LINGO2: variants seen among roughly 807,000 people sequenced by gnomAD.
LINGO2 encodes leucine rich repeat and Ig domain containing 2.
In LINGO2, 14 loss-of-function variants were observed where a neutral mutation model predicts 30.6. The ratio of observed to expected loss-of-function variants is 0.46; its 90% CI spans 0.30 to 0.72. The LOEUF is 0.72. LINGO2 is among the 30% of genes least tolerant of loss of function. LINGO2 has a pLI of 0.07. For missense variants in LINGO2, 729 were observed against 751.7 expected (o/e 0.97, Z 0.35); for synonymous variants, 317 against 288.5 (o/e 1.10, Z -1.00).
intron 1 of LINGO2, among the ~76,000 whole-genome samples, chr9:28,565,899 T>A (rs1318897942): frequency 6.6e-6 from 1 of 152,118 alleles, no homozygotes; most frequent in African/African-American, 2.4e-5. Context: ...TGAAAGGCTA[T>A]ATAGCTTTGT....
In LINGO2 at chr9:28,148,988, C is replaced by A; in HGVS notation, c.-86-136583G>T. 1 of 1,534,286 alleles carries A rather than the reference C, an allele frequency of 6.5e-7. No homozygotes were observed. The highest frequency in any genetic ancestry group is 2.3e-4 in the Middle Eastern group (1 of 4,358). ...ACTGTCGGGGCCACCGCTGCAGCTG[C>A]AACCGACCCCTCCCCTGCAACTGAG... On this transcript the variant is annotated intron_variant, in intron 4 of 5. Coordinates refer to ENST00000379992, the Ensembl canonical transcript of LINGO2. This position sits in a 1 kb window ranked among gnomAD's most constrained non-coding sequence, Gnocchi z 5.1.
chr9:28,381,101 C>T (rs1821336435), intron 2 of LINGO2, among the ~76,000 whole-genome samples: 1 of 151,918 alleles, frequency 6.6e-6, no homozygotes, highest in Non-Finnish European at 1.5e-5. Flanking sequence ...GAAAAGGATC[C>T]TTGACAATGA....
intron 4 of LINGO2, among the ~76,000 whole-genome samples, chr9:28,109,048 C>T (rs901099667): frequency 2.0e-5 from 3 of 152,116 alleles, no homozygotes; most frequent in Non-Finnish European, 2.9e-5. Context: ...TTATCCACCA[C>T]GATCAAGTCA....
chr9:28,796,371 A>G, the LINGO2 span, among the ~76,000 whole-genome samples: 135 of 152,146 alleles, frequency 8.9e-4, no homozygotes, highest in Admixed American at 8.8e-3. Context: ...AGATGGGTGT[A>G]GCCTCAAAAG....
At chr9:28,985,272 G>T in the LINGO2 span, among the ~76,000 whole-genome samples, 1 of 152,040 alleles carries the variant, frequency 6.6e-6, no homozygotes, top group African/African-American at 2.4e-5. Flanking sequence ...TTCATCTGTT[G>T]ATGAACACTT....
intron 1 of LINGO2, among the ~76,000 whole-genome samples, chr9:28,631,979 A>G (rs778335480): frequency 6.6e-6 from 1 of 152,172 alleles, no homozygotes; most frequent in Non-Finnish European, 1.5e-5. Context: ...CCTAAAGATC[A>G]TAGGTTTGGT....
the LINGO2 span, among the ~76,000 whole-genome samples, chr9:28,763,107 A>G: frequency 6.6e-6 from 1 of 152,134 alleles, no homozygotes; most frequent in Admixed American, 6.5e-5. Flanking sequence ...CGGGTATTTC[A>G]ATGATATCCC....
intron 5 of LINGO2, among the ~76,000 whole-genome samples, chr9:28,001,496 C>G (rs1821951347): frequency 6.6e-6 from 1 of 151,974 alleles, no homozygotes; most frequent in Admixed American, 6.6e-5. Flanking sequence ...AGAAAGTGTG[C>G]AAAATATGCT....
intron 1 of LINGO2, among the ~76,000 whole-genome samples, 159 bp from the exon 4 acceptor site, chr9:28,476,184 T>C (rs1382371535): frequency 6.6e-6 from 1 of 152,220 alleles, no homozygotes; most frequent in African/African-American, 2.4e-5. Flanking sequence ...TTCACATGTG[T>C]GTGGTTTTCC....
At chr9:27,972,967 G>C (rs1188636123) in intron 5 of LINGO2, among the ~76,000 whole-genome samples, 1 of 152,042 alleles carries the variant, frequency 6.6e-6, no homozygotes, top group African/African-American at 2.4e-5. Flanking sequence ...CTGAAAAAAA[G>C]CAAATTTTCT....
the LINGO2 span, among the ~76,000 whole-genome samples, chr9:29,072,602 G>T: frequency 1.6e-5 from 2 of 121,730 alleles, 1 homozygote; most frequent in Middle Eastern, 8.7e-3. Context: ...ATATATATAT[G>T]TCTCTCTTTG....
the LINGO2 span, among the ~76,000 whole-genome samples, chr9:29,115,919 T>C: frequency 1.3e-5 from 2 of 152,048 alleles, no homozygotes; most frequent in South Asian, 2.1e-4. Context: ...TTCTGGCCAA[T>C]TGACTTTTAA....
chr9:29,180,428 C>A, the LINGO2 span, among the ~76,000 whole-genome samples: 4 of 152,164 alleles, frequency 2.6e-5, no homozygotes, highest in Non-Finnish European at 5.9e-5. Context: ...TCCTTACAGA[C>A]ATTATCCTGG....
chr9:28,932,132 T>TAAAATAAAATAAAATAAAATAA, the LINGO2 span, among the ~76,000 whole-genome samples: 2 of 99,814 alleles, frequency 2.0e-5, 1 homozygote, highest in Non-Finnish European at 4.0e-5. Flanking sequence ...TAAAATAAAA[T>TAAAATAAAATAAAATAAAATAA]AAGATAAAAT....
intron 2 of LINGO2, among the ~76,000 whole-genome samples, chr9:28,446,063 C>T (rs933987018): frequency 3.3e-5 from 5 of 152,122 alleles, no homozygotes; most frequent in Admixed American, 6.5e-5. Context: ...AGAGAAAATA[C>T]ATTATTTTAT....
At chr9:29,063,929 C>T in the LINGO2 span, among the ~76,000 whole-genome samples, 2 of 152,110 alleles carry the variant, frequency 1.3e-5, no homozygotes, top group African/African-American at 4.8e-5. Context: ...ATAAGTTTAA[C>T]ACCTGGCACA....
At chr9:28,349,942 C>T (rs13296754) in intron 3 of LINGO2, among the ~76,000 whole-genome samples, 2,941 of 152,160 alleles carry the variant, frequency 0.019, 38 homozygotes, top group East Asian at 0.043. Flanking sequence ...TACAGACAAG[C>T]AAATGCTGAG....
chr9:28,384,774 T>C (rs1224055410), intron 2 of LINGO2, among the ~76,000 whole-genome samples: 1 of 152,054 alleles, frequency 6.6e-6, no homozygotes, highest in African/African-American at 2.4e-5. Context: ...AGATACTTGA[T>C]CCAAACTGCT....
At chr9:29,101,587 A>G in the LINGO2 span, among the ~76,000 whole-genome samples, 1 of 152,064 alleles carries the variant, frequency 6.6e-6, no homozygotes, top group Non-Finnish European at 1.5e-5. Context: ...AGCCTTGGGT[A>G]ACCATCCTTC....
Sources: allele counts gnomAD v4.1 joint callset (sites outside exome capture counted in the v4.1 genomes callset), GRCh38; gene constraint gnomAD v4.1.1; non-coding constraint Gnocchi (gnomAD v3.1); transcripts MANE v1.5; gene names NCBI Gene and HGNC (gene_info 2026-07-23, HGNC 2026-07-21).